The following THUMPD3 variants were observed in gnomAD, a reference collection of about 807,000 sequenced individuals.
The protein encoded by THUMPD3 is THUMP domain 3 tRNA guanosine methyltransferase.
In THUMPD3, 44 loss-of-function variants were observed where a neutral mutation model predicts 54.5. The ratio of observed to expected loss-of-function variants is 0.81; its 90% confidence interval spans 0.63 to 1.04. THUMPD3 has a LOEUF of 1.04. THUMPD3 is among the 50% of genes least tolerant of loss of function. The probability of loss-of-function intolerance (pLI) is 0.00; values close to 1 mark genes in which losing one functional copy is unlikely to be tolerated. For missense variants in THUMPD3, 604 were observed against 601.3 expected, an observed-to-expected ratio of 1.00 and a Z score of -0.05; for synonymous variants, 196 against 201.4, an observed-to-expected ratio of 0.97 and a Z score of 0.23.
rs758486711 is a variant in THUMPD3 at position 9,377,836 on chromosome 3, C to T, written c.956C>T (p.Pro319Leu). Residue 319 changes from proline to leucine, a missense_variant, in exon 6 of 10, where the codon CCT becomes CTT. Coordinates refer to ENST00000452837, the MANE Select transcript of THUMPD3 (RefSeq NM_001114092.2). Reference protein sequence around the residue: ...YGMLRLCDPLPYDIIVDPMCG... With the variant: ...YGMLRLCDPLLYDIIVDPMCG... ...TTCTCTAGGCTCTGTGATCCTCTAC[C>T]TTATGATATAATAGTCGATCCAATG... 1.9e-6 allele frequency: 3 copies of T among 1,613,628 alleles called. No individual in the cohort carries two copies. Among genetic ancestry groups the T allele is most frequent in the African/African-American group, 1.3e-5 (1 of 75,004 alleles).
At chr3:9,372,892 A>T (rs893728940) in intron 4 of THUMPD3, among the ~76,000 whole-genome samples, 2 of 152,130 alleles carry the variant, frequency 1.3e-5, no homozygotes, top group African/African-American at 2.4e-5. Flanking sequence ...CAAGTCACTG[A>T]TTCTAACTTT....
chr3:9,383,350 T>G, intron 8 of THUMPD3, 41 bp downstream of exon 8: 1 of 1,446,478 alleles, frequency 6.9e-7, no homozygotes, highest in Non-Finnish European at 9.7e-7. Flanking sequence ...AAATATGTCA[T>G]TATTTTCCTT....
intron 3 of THUMPD3, among the ~76,000 whole-genome samples, chr3:9,368,009 G>A (rs1169568649): frequency 6.6e-6 from 1 of 152,050 alleles, no homozygotes; most frequent in African/African-American, 2.4e-5. Flanking sequence ...AGCTGGCAGT[G>A]AGCAGAGATC....
intron 6 of THUMPD3, 89 bp downstream of exon 6, chr3:9,377,977 A>G (rs1450675378): frequency 5.3e-6 from 6 of 1,123,586 alleles, no homozygotes; most frequent in East Asian, 4.7e-5. Context: ...TGAAATCTCC[A>G]TGGTTGGATC....
At chr3:9,371,935 G>A (rs1474430996) in intron 4 of THUMPD3, among the ~76,000 whole-genome samples, 1 of 152,182 alleles carries the variant, frequency 6.6e-6, no homozygotes, top group Non-Finnish European at 1.5e-5. Flanking sequence ...AGAGTGCAGT[G>A]GTACGATCTC....
At chr3:9,375,029 A>AT (rs1381551548) in intron 5 of THUMPD3, among the ~76,000 whole-genome samples, 1 of 151,890 alleles carries the variant, frequency 6.6e-6, no homozygotes, top group East Asian at 1.9e-4. Context: ...TAATTTTTGT[A>AT]TTTTTTTAAT....
rs188073101 is a variant in THUMPD3, at chr3:9,369,994, C to A, written c.331-1066C>A. 2.9e-3 allele frequency among the ~76,000 whole-genome samples: 435 copies of A among 152,222 alleles called. 2 individuals carry two copies. The highest frequency in any genetic ancestry group is 0.01 in the African/African-American group (424 of 41,556). On this transcript the variant is annotated intron_variant, in intron 3 of 9. Transcript: ENST00000452837. ...ATTTGATATTATCTACCTTATCTACCATATATACACGGTATTTTTTGAATC... is the reference window on the plus strand; with the variant it reads ...ATTTGATATTATCTACCTTATCTACAATATATACACGGTATTTTTTGAATC...
At chr3:9,381,652 C>CT (rs59920736) in intron 7 of THUMPD3, among the ~76,000 whole-genome samples, 102,580 of 138,664 alleles carry the variant, frequency 0.74, 37,790 homozygotes, top group East Asian at 0.91. Flanking sequence ...TATGGCCAGT[C>CT]TTTTTTTTTT....
At chr3:9,381,756 CTTTTTTT>C (rs753480713) in intron 7 of THUMPD3, among the ~76,000 whole-genome samples, 3 of 44,370 alleles carry the variant, frequency 6.8e-5, no homozygotes, top group East Asian at 6.8e-4. Flanking sequence ...TCAACCCGTA[CTTTTTTT>C]TTTTTTTTTT....
Position 9,365,335 on chromosome 3 carries a change from A to AG in THUMPD3, c.252+15_252+16insG. The AG allele has an allele frequency of 6.2e-7, 1 of 1,612,128 alleles. No individual in the cohort carries two copies. Among genetic ancestry groups the AG allele is most frequent in the African/African-American group, 1.3e-5 (1 of 74,922 alleles). On this transcript the variant is annotated intron_variant, in intron 2 of 9. Transcript: ENST00000452837. ...GTCTGGCACAGGTTTGAATGGAGCA[A>AG]TATTTAAAATAGTTTTCTAAGTTGA...
chr3:9,366,798 T>C, intron 2 of THUMPD3, 110 bp from the exon 3 acceptor site: 1 of 793,378 alleles, frequency 1.3e-6, no homozygotes, highest in Non-Finnish European at 1.9e-6. Context: ...CAAAATATAG[T>C]TAGTAGCTGC....
chr3:9,363,608 T>C (rs2031117267), intron 1 of THUMPD3: 1 of 151,980 alleles, frequency 6.6e-6, no homozygotes, highest in South Asian at 2.1e-4. Context: ...ACCTCTCTAA[T>C]ACTTCCCCCG....
Position 9,384,647 on chromosome 3 carries a change from CA to C in THUMPD3, c.1485del (p.Asp496ThrfsTer16). ...TCAAGCTTTTGTTCATCCTTCAGAA[CA>C]AGACGGAGAAAGAGGAACTCTTTGG... is the stretch of plus-strand genomic sequence containing the variant. ...TPQAFVHPSE[Q>X]DGERGTLWQC... On this transcript the variant is annotated frameshift_variant, in exon 10 of 10. Transcript: ENST00000452837. LOFTEE classifies it high-confidence loss of function. 1 of 1,614,066 alleles carries C rather than the reference CA, an allele frequency of 6.2e-7. No homozygotes were observed. The highest frequency in any genetic ancestry group is 8.5e-7 in the Non-Finnish European group (1 of 1,180,032).
Position 9,365,307 on chromosome 3 carries a change from A to G in THUMPD3, c.239A>G (p.Glu80Gly), listed in dbSNP as rs781507506. Residue 80 changes from glutamate (E) to glycine (G), a missense_variant, in exon 2 of 10, where the codon GAA (glutamate) becomes GGA (glycine). Transcript: ENST00000452837. Reference sequence around the variant, plus strand: ...AAGATATATTTTGTCATTTCAGTGGAAAGTCTGGCACAGGTTTGAATGGAG... The same window carrying G: ...AAGATATATTTTGTCATTTCAGTGGGAAGTCTGGCACAGGTTTGAATGGAG... ...RGKIYFVISV[E>G]SLAQVHCLRS... The G allele has an allele frequency of 1.2e-6, 2 of 1,614,210 alleles. No individual in the cohort carries two copies. Among genetic ancestry groups the G allele is most frequent in the Middle Eastern group, 1.6e-4 (1 of 6,062 alleles).
At chr3:9,377,771 C>A (rs945565708) in intron 5 of THUMPD3, 48 bp from the exon 6 acceptor site, 10 of 1,437,920 alleles carry the variant, frequency 7.0e-6, no homozygotes, top group Non-Finnish European at 7.8e-6. Flanking sequence ...AGTATAGAAG[C>A]CTCAGCTTTT....
At position 9,385,321 on chromosome 3, in the gene THUMPD3, T is replaced by C. The variant is rs1229438440; in HGVS notation, c.*633T>C. The stretch of plus-strand genomic sequence containing the variant: ...ATGGCCTATTTTCCATTGTGTCAAG[T>C]GCAAAACTACCCTGGCCCAAAGGAA... On this transcript the variant is annotated 3_prime_UTR_variant, in exon 10 of 10. Transcript: ENST00000452837. The C allele has an allele frequency of 6.6e-6, 1 of 152,272 alleles. No homozygotes were observed. Among genetic ancestry groups the C allele is most frequent in the Non-Finnish European group, 1.5e-5 (1 of 68,098 alleles). The allele number at this position is 152,272 out of a possible 1,614,324, so 9.4% of individuals were successfully genotyped here.
intron 7 of THUMPD3, among the ~76,000 whole-genome samples, chr3:9,381,399 A>G (rs2600196): frequency 0.86 from 130,102 of 152,154 alleles, 55,842 homozygotes; most frequent in East Asian, 0.91. Context: ...TGAATCACCT[A>G]GGAGTACTGT....
At chr3:9,376,941 A>G (rs1029136351) in intron 5 of THUMPD3, among the ~76,000 whole-genome samples, 3 of 152,206 alleles carry the variant, frequency 2.0e-5, no homozygotes, top group Non-Finnish European at 4.4e-5. Context: ...GAGATAATGC[A>G]TGGAAAGAGC....
At chr3:9,370,373 T>C (rs1166300538) in intron 3 of THUMPD3, among the ~76,000 whole-genome samples, 1 of 152,228 alleles carries the variant, frequency 6.6e-6, no homozygotes, top group East Asian at 1.9e-4. Flanking sequence ...ATTTGGCTGA[T>C]AGTTTGGGTA....
Sources: gnomAD v4.1 joint callset for allele counts (sites outside exome capture counted in the v4.1 genomes callset) on GRCh38, gnomAD v4.1.1 for gene constraint, MANE v1.5 for transcripts, NCBI Gene and HGNC (gene_info 2026-07-23, HGNC 2026-07-21) for gene names.